The following GIPC1 variants were observed in gnomAD, a reference collection of about 807,000 sequenced individuals.
The protein encoded by GIPC1 is PDZ domain-containing protein GIPC1.
GIPC1 carries 15 observed loss-of-function variants against 28.5 expected under a neutral mutation model. That is an observed-to-expected ratio of 0.53 (90% confidence interval 0.35 to 0.81). GIPC1 has a LOEUF of 0.81. Among genes scored for constraint, GIPC1 ranks in the 30% least tolerant of loss-of-function variants. The pLI, the probability that GIPC1 is intolerant of heterozygous loss-of-function variation, is 0.01. For missense variants in GIPC1, 439 were observed against 481.9 expected (o/e 0.91, Z 0.83); for synonymous variants, 224 against 206.1 (o/e 1.09, Z -0.74).
intron 3 of GIPC1, among the ~76,000 whole-genome samples, chr19:14,490,755 C>T (rs1343018134): frequency 7.9e-5 from 12 of 151,102 alleles, no homozygotes; most frequent in Non-Finnish European, 1.5e-4. Flanking sequence ...GGGTGGATCA[C>T]GAGGTCAGGA....
chr19:14,483,111 G>T, intron 3 of GIPC1, 105 bp from the exon 4 acceptor site: 1 of 739,916 alleles, frequency 1.4e-6, no homozygotes, highest in East Asian at 2.7e-5. Flanking sequence ...AGAACAAATT[G>T]GCCTCGGTTG....
chr19:14,487,697 GAC>G (rs1491213207), intron 3 of GIPC1, among the ~76,000 whole-genome samples: 1 of 71,884 alleles, frequency 1.4e-5, no homozygotes, highest in Non-Finnish European at 2.6e-5. Flanking sequence ...TTTTTTTTTT[GAC>G]AGAGTCTTGC....
At chr19:14,494,635 A>T (rs987623561) in intron 1 of GIPC1, among the ~76,000 whole-genome samples, 28 of 152,158 alleles carry the variant, frequency 1.8e-4, no homozygotes, top group African/African-American at 6.5e-4. Context: ...TGCACGTAGC[A>T]GGTGCTCACT....
At chr19:14,486,498 C>A (rs962709417) in intron 3 of GIPC1, among the ~76,000 whole-genome samples, 1 of 152,102 alleles carries the variant, frequency 6.6e-6, no homozygotes, top group African/African-American at 2.4e-5. Context: ...ATCTATCTTT[C>A]CCAGGCAGGG....
chr19:14,490,967 T>C (rs1599363454), intron 3 of GIPC1, among the ~76,000 whole-genome samples: 2 of 87,392 alleles, frequency 2.3e-5, no homozygotes, highest in African/African-American at 4.3e-5. Flanking sequence ...AGAGCGAGAC[T>C]CCATCTCAAA....
chr19:14,489,660 AG>A (rs764512173), intron 3 of GIPC1: 1 of 862,264 alleles, frequency 1.2e-6, no homozygotes, highest in African/African-American at 1.7e-5. Flanking sequence ...CTCTCTCCAT[AG>A]GGCCTGTTTT....
In GIPC1 at chr19:14,480,313, T is replaced by C. The variant is rs2071697462; in HGVS notation, c.647A>G (p.Lys216Arg). Reference protein sequence around the residue: ...TFTLKLTEPRKAFDMISQRSA... With the variant: ...TFTLKLTEPRRAFDMISQRSA... ...AGGGGGCGGCTCCTCACCGAAGGCC[T>C]TGCGAGGCTCCGTGAGCTTCAGCGT... The change falls in exon 6 of 9, where the codon AAG (lysine) becomes AGG (arginine). Residue 216 changes from lysine to arginine, a missense_variant. Physicochemically the swap from Lys to Arg is conservative, Grantham distance 26. Coordinates refer to ENST00000393033, the MANE Select transcript of GIPC1 (RefSeq NM_005716.4). The C allele has an allele frequency of 6.2e-7, 1 of 1,610,778 alleles. No homozygotes were observed. Among genetic ancestry groups the C allele is most frequent in the Admixed American group, 1.7e-5 (1 of 60,022 alleles).
Position 14,478,875 on chromosome 19 carries a change from G to T in GIPC1, c.769-110C>A. 1 of 843,282 alleles carries T rather than the reference G, an allele frequency of 1.2e-6. No individual in the cohort carries two copies. The highest frequency in any genetic ancestry group is 2.0e-6 in the Non-Finnish European group (1 of 494,038). The allele number at this position is 843,282 out of a possible 1,614,324, so 52.2% of individuals were successfully genotyped here. ...ACATATATTCGTATTTAGACCTCAG[G>T]ACAACCCTGAGAAGGTGGTATCGGT... On this transcript the variant is annotated intron_variant, in intron 7 of 8. Transcript: ENST00000393033. This position sits in a 1 kb window ranked among gnomAD's most constrained non-coding sequence, Gnocchi z 5.2.
intron 1 of GIPC1, among the ~76,000 whole-genome samples, chr19:14,495,510 T>A (rs961571344): frequency 6.6e-6 from 1 of 152,108 alleles, no homozygotes; most frequent in Admixed American, 6.6e-5. Context: ...CTCACCTTTT[T>A]TACAAGAAGG....
At position 14,478,068 on chromosome 19, in the gene GIPC1, AG is replaced by A. The variant is rs1309605586; in HGVS notation, c.*347del. ...GGTCATGACCCCCAAACAGAACCCA[AG>A]GCCCCAGGGAGACAGAGGGACCAGT... On this transcript the variant is annotated 3_prime_UTR_variant, in exon 9 of 9. Coordinates refer to ENST00000393033, the MANE Select transcript of GIPC1 (RefSeq NM_005716.4). The surrounding 1 kb of genome is among the most constrained non-coding windows in gnomAD (Gnocchi z 5.2). 3.8e-6 allele frequency: 1 copy of A among 259,774 alleles called. No homozygotes were observed. The highest frequency in any genetic ancestry group is 2.2e-5 in the African/African-American group (1 of 45,874). 16.1% of individuals were successfully genotyped at this position (259,774 alleles called of 1,614,324 possible).
chr19:14,481,537 A>G (rs1301025101), intron 4 of GIPC1, among the ~76,000 whole-genome samples: 1 of 152,046 alleles, frequency 6.6e-6, no homozygotes, highest in Non-Finnish European at 1.5e-5. Flanking sequence ...CCTGGCCAAC[A>G]TGGTGAAATC....
chr19:14,482,700 G>C lies in GIPC1; in HGVS notation c.277C>G (p.Pro93Ala). Residue 93 changes from proline to alanine, a missense_variant, in exon 4 of 9, where the codon CCA becomes GCA. By Grantham distance (27) the Pro-to-Ala change is conservative. Transcript: ENST00000393033. ...YGKIAEAFRL[P>A]TAEVMFCTLN... ...TCCCCAGTGGATACCTCGGCAGTTG[G>C]CAGGCGGAAGGCCTCGGCGATCTTG... 6.2e-7 allele frequency: 1 copy of C among 1,611,354 alleles called. No homozygotes were observed. The highest frequency in any genetic ancestry group is 8.5e-7 in the Non-Finnish European group (1 of 1,179,896).
chr19:14,483,638 A>G (rs2071778279), intron 3 of GIPC1: 2 of 151,736 alleles, frequency 1.3e-5, no homozygotes, highest in Admixed American at 1.3e-4. Flanking sequence ...AATCTCAGTG[A>G]TTCAAGAGGG....
At position 14,482,895 on chromosome 19, in the gene GIPC1, C is replaced by G. The variant is rs2071762778; in HGVS notation, c.82G>C (p.Gly28Arg). 8 of 1,597,998 alleles carry G rather than the reference C, an allele frequency of 5.0e-6. No homozygotes were observed. Among genetic ancestry groups the G allele is most frequent in the Non-Finnish European group, 6.0e-6 (7 of 1,173,060 alleles). The change falls in exon 4 of 9, where the codon GGC becomes CGC. Residue 28 changes from glycine (G) to arginine (R), a missense_variant. By Grantham distance (125) the Gly-to-Arg change is moderately radical. Coordinates refer to ENST00000393033, the MANE Select transcript of GIPC1 (RefSeq NM_005716.4). Reference protein sequence around the residue: ...EEAEPGRGGLGVGEPGPLGGG... With the variant: ...EEAEPGRGGLRVGEPGPLGGG... Reference sequence around the variant, plus strand: ...CCCAGAGGCCCTGGCTCCCCCACGCCCAGCCCTCCACGGCCTGGCTCAGCC... The same window carrying G: ...CCCAGAGGCCCTGGCTCCCCCACGCGCAGCCCTCCACGGCCTGGCTCAGCC...
intron 4 of GIPC1, chr19:14,481,044 A>G (rs1438391320): frequency 4.7e-6 from 2 of 423,506 alleles, no homozygotes; most frequent in Non-Finnish European, 8.5e-6. Context: ...CATCATAGTC[A>G]CTGCAGCCAC....
Position 14,478,506 on chromosome 19 carries a change from C to G in GIPC1, c.912G>C (p.Leu304=). The change falls in exon 9 of 9, where the codon CTG becomes CTC. Residue 304 remains leucine (L), a synonymous_variant. Coordinates refer to ENST00000393033, the MANE Select transcript of GIPC1 (RefSeq NM_005716.4). This position sits in a 1 kb window ranked among gnomAD's most constrained non-coding sequence, Gnocchi z 5.2. ...KRNPDELAEA[L]DERLGDFAFP... is the part of the protein sequence containing the mutation. ...AGGCAAAGTCACCCAGCCGTTCGTCCAGGGCCTCGGCCAGCTCATCCGGGT... is the reference window on the plus strand; with the variant it reads ...AGGCAAAGTCACCCAGCCGTTCGTCGAGGGCCTCGGCCAGCTCATCCGGGT... The G allele has an allele frequency of 6.2e-7, 1 of 1,614,040 alleles. No homozygotes were observed. Among genetic ancestry groups the G allele is most frequent in the Non-Finnish European group, 8.5e-7 (1 of 1,179,982 alleles).
chr19:14,485,211 TCTGTCCCCAGG>T (rs1196211996), intron 3 of GIPC1, among the ~76,000 whole-genome samples: 1 of 151,674 alleles, frequency 6.6e-6, no homozygotes, highest in Non-Finnish European at 1.5e-5. Context: ...CTCTTATTGC[TCTGTCCCCAGG>T]CTGGAGTGCA....
At position 14,478,849 on chromosome 19, in the gene GIPC1, T is replaced by C; in HGVS notation, c.769-84A>G. 1 of 1,018,846 alleles carries C rather than the reference T, an allele frequency of 9.8e-7. No homozygotes were observed. Among genetic ancestry groups the C allele is most frequent in the Non-Finnish European group, 1.6e-6 (1 of 641,478 alleles). 63.1% of individuals were successfully genotyped at this position (1,018,846 alleles called of 1,614,324 possible). On this transcript the variant is annotated intron_variant, in intron 7 of 8. Coordinates refer to ENST00000393033, the MANE Select transcript of GIPC1 (RefSeq NM_005716.4). The surrounding 1 kb of genome is among the most constrained non-coding windows in gnomAD (Gnocchi z 5.2). ...GGACGGACTGCCATTGTCACCACTT[T>C]ACATATATTCGTATTTAGACCTCAG...
chr19:14,479,437 C>T lies in GIPC1; in HGVS notation c.743G>A (p.Arg248Gln), dbSNP rs201836982. ...TGRGTLRLRS[R>Q]GPATVEDLPS... ...CAGATCCTCCACCGTGGCGGGGCCC[C>T]GGGATCGGAGCCGCAGGGTCCCTCG... Residue 248 changes from arginine to glutamine, a missense_variant, in exon 7 of 9, where the codon CGG becomes CAG. Arg to Gln is a conservative substitution (Grantham distance 43). Transcript: ENST00000393033. The T allele has an allele frequency of 7.0e-6, 10 of 1,421,344 alleles. No homozygotes were observed. Among genetic ancestry groups the T allele is most frequent in the African/African-American group, 3.0e-5 (2 of 66,340 alleles). 88.0% of individuals were successfully genotyped at this position (1,421,344 alleles called of 1,614,324 possible).
Sources: gnomAD v4.1 joint callset for allele counts (sites outside exome capture counted in the v4.1 genomes callset) on GRCh38, gnomAD v4.1.1 for gene constraint, Gnocchi (gnomAD v3.1) non-coding constraint, MANE v1.5 for transcripts, NCBI Gene and HGNC (gene_info 2026-07-23, HGNC 2026-07-21) for gene names.